Variants in ARHGAP10 observed in about 807,000 individuals in gnomAD.
ARHGAP10 encodes Rho GTPase activating protein 10.
A neutral mutation model predicts 108.6 loss-of-function variants in ARHGAP10; 87 were observed. The observed-to-expected ratio is 0.80, with a 90% CI of 0.67 to 0.96. The LOEUF is 0.96. Among genes scored for constraint, ARHGAP10 ranks in the 40% least tolerant of loss-of-function variants. The pLI, the probability that ARHGAP10 is intolerant of heterozygous loss-of-function variation, is 0.00. For synonymous variants in ARHGAP10, 347 were observed against 341.1 expected, an observed-to-expected ratio of 1.02 and a Z score of -0.19; for missense variants, 939 against 954.5, an observed-to-expected ratio of 0.98 and a Z score of 0.21.
intron 10 of ARHGAP10, among the ~76,000 whole-genome samples, chr4:147,883,210 A>T (rs1023314164): frequency 1.2e-4 from 18 of 152,222 alleles, no homozygotes; most frequent in African/African-American, 4.1e-4. Flanking sequence ...TTTTGCCAAG[A>T]TAGGAAAAAT....
At chr4:147,738,836 C>T (rs2126676791) in intron 1 of ARHGAP10, among the ~76,000 whole-genome samples, 1 of 152,204 alleles carries the variant, frequency 6.6e-6, no homozygotes, top group South Asian at 2.1e-4. Flanking sequence ...ATTGTCAAAC[C>T]CTGGAAAGGC....
intron 1 of ARHGAP10, among the ~76,000 whole-genome samples, chr4:147,743,158 C>T (rs968767775): frequency 2.6e-5 from 4 of 151,614 alleles, no homozygotes; most frequent in Non-Finnish European, 4.4e-5. Context: ...CTCAACCTCC[C>T]GAGTAGCTGG....
intron 1 of ARHGAP10, among the ~76,000 whole-genome samples, chr4:147,799,509 T>C (rs928906529): frequency 6.6e-6 from 1 of 152,242 alleles, no homozygotes; most frequent in Non-Finnish European, 1.5e-5. Context: ...CTGCTTATTT[T>C]CACAGCCTGT....
chr4:148,017,652 C>CTA (rs35472561), intron 18 of ARHGAP10, among the ~76,000 whole-genome samples: 17,714 of 104,790 alleles, frequency 0.17, 1,326 homozygotes, highest in Middle Eastern at 0.19. Context: ...GAGCCAGTAA[C>CTA]TATATATATA....
chr4:148,036,407 G>A (rs377665324), intron 19 of ARHGAP10, among the ~76,000 whole-genome samples: 4 of 152,116 alleles, frequency 2.6e-5, no homozygotes, highest in Non-Finnish European at 5.9e-5. Flanking sequence ...CCCACGTGTC[G>A]TGGGAAGGAC....
intron 22 of ARHGAP10, among the ~76,000 whole-genome samples, chr4:148,068,507 G>C (rs181963436): frequency 1.3e-5 from 2 of 152,122 alleles, no homozygotes; most frequent in Admixed American, 1.3e-4. Context: ...AAAAAATATC[G>C]AGTGAAAAAA....
At chr4:147,991,158 A>AAG (rs1471166542) in intron 18 of ARHGAP10, among the ~76,000 whole-genome samples, 1 of 151,802 alleles carries the variant, frequency 6.6e-6, no homozygotes, top group African/African-American at 2.4e-5. Flanking sequence ...AAAAAAAAAA[A>AAG]AATAAATAAA....
intron 18 of ARHGAP10, among the ~76,000 whole-genome samples, chr4:148,019,714 G>A (rs1344322393): frequency 6.6e-6 from 1 of 151,510 alleles, no homozygotes; most frequent in Non-Finnish European, 1.5e-5. Context: ...GAGCTGAGCC[G>A]AGATCGCGCC....
chr4:147,944,951 G>A (rs1170504901), intron 14 of ARHGAP10, among the ~76,000 whole-genome samples: 1 of 152,134 alleles, frequency 6.6e-6, no homozygotes, highest in Non-Finnish European at 1.5e-5. Flanking sequence ...ATGGAAATCT[G>A]TATACGTTCT....
At chr4:147,935,229 C>T (rs929403586) in intron 13 of ARHGAP10, among the ~76,000 whole-genome samples, 2 of 151,962 alleles carry the variant, frequency 1.3e-5, no homozygotes. Context: ...TGGATGTGTG[C>T]GTGTGTGTGC....
intron 7 of ARHGAP10, among the ~76,000 whole-genome samples, chr4:147,870,478 T>C (rs530085170): frequency 6.6e-6 from 1 of 152,090 alleles, no homozygotes; most frequent in Non-Finnish European, 1.5e-5. Context: ...AACTTTATAA[T>C]CAGAAAAAGG....
chr4:147,853,898 G>GAGGTTCTCTTTCTGCTTCCCAGTAA (rs1733980624), intron 4 of ARHGAP10, among the ~76,000 whole-genome samples: 1 of 152,104 alleles, frequency 6.6e-6, no homozygotes. Context: ...GATATGAGAT[G>GAGGTTCTCTTTCTGCTTCCCAGTAA]AGGTTCTCTT....
chr4:147,735,006 A>G (rs776720133), intron 1 of ARHGAP10, among the ~76,000 whole-genome samples: 1 of 152,176 alleles, frequency 6.6e-6, no homozygotes, highest in Non-Finnish European at 1.5e-5. Flanking sequence ...TTTGCATTAC[A>G]TTCTTGGAAG....
intron 18 of ARHGAP10, among the ~76,000 whole-genome samples, chr4:148,006,323 G>A (rs566931597): frequency 2.6e-5 from 4 of 152,342 alleles, no homozygotes; most frequent in African/African-American, 7.2e-5. Flanking sequence ...CATCCCAGAC[G>A]TTAGCAGACA....
intron 19 of ARHGAP10, among the ~76,000 whole-genome samples, chr4:148,023,970 C>T (rs1039439148): frequency 6.6e-6 from 1 of 152,244 alleles, no homozygotes; most frequent in Non-Finnish European, 1.5e-5. Context: ...GAAGTTCTCA[C>T]GTCCCTTCCG....
chr4:147,800,204 C>T (rs996291967), intron 1 of ARHGAP10, among the ~76,000 whole-genome samples: 2 of 152,218 alleles, frequency 1.3e-5, no homozygotes, highest in African/African-American at 4.8e-5. Context: ...TCTCAGGACC[C>T]TGGAGACTGA....
intron 13 of ARHGAP10, among the ~76,000 whole-genome samples, chr4:147,919,172 C>G (rs1397819201): frequency 6.6e-6 from 1 of 152,166 alleles, no homozygotes; most frequent in Non-Finnish European, 1.5e-5. Flanking sequence ...TACTATCGTT[C>G]TCAGTACTCT....
chr4:148,017,225 C>G (rs966404305), intron 18 of ARHGAP10, among the ~76,000 whole-genome samples: 28 of 152,156 alleles, frequency 1.8e-4, no homozygotes, highest in Non-Finnish European at 3.4e-4. Flanking sequence ...GCAGCATTCC[C>G]TCCTCCAGAA....
At chr4:147,736,058 TAC>T (rs947193863) in intron 1 of ARHGAP10, among the ~76,000 whole-genome samples, 1 of 152,146 alleles carries the variant, frequency 6.6e-6, no homozygotes, top group Non-Finnish European at 1.5e-5. Context: ...TAACAGTCCT[TAC>T]AGTTATTAAG....
Sources: allele counts gnomAD v4.1 joint callset (sites outside exome capture counted in the v4.1 genomes callset), GRCh38; gene constraint gnomAD v4.1.1; transcripts MANE v1.5; gene names NCBI Gene and HGNC (gene_info 2026-07-23, HGNC 2026-07-21).